PDZRN3: variants seen among roughly 807,000 people sequenced by gnomAD.
PDZRN3 encodes E3 ubiquitin-protein ligase PDZRN3.
In PDZRN3, 38 loss-of-function variants were observed where a neutral mutation model predicts 85.7. The ratio of observed to expected loss-of-function variants is 0.44; its 90% CI spans 0.34 to 0.58. The LOEUF (loss-of-function observed/expected upper bound fraction) is 0.58, where lower values mean the gene tolerates loss of function less well. Among genes scored for constraint, PDZRN3 ranks in the 20% least tolerant of loss-of-function variants. The pLI is 0.01. For missense variants in PDZRN3, 1,629 were observed against 1,506.4 expected (o/e 1.08, Z -1.35); for synonymous variants, 759 against 638.0 (o/e 1.19, Z -2.86).
intron 3 of PDZRN3, among the ~76,000 whole-genome samples, chr3:73,502,780 G>A (rs1213209993): frequency 6.6e-6 from 1 of 152,178 alleles, no homozygotes; most frequent in Non-Finnish European, 1.5e-5. Flanking sequence ...CAGCTGTGTG[G>A]CATCTTACAG....
At position 73,489,575 on chromosome 3, in the gene PDZRN3, C is replaced by CTTTTTTT. The variant is rs371602592; in HGVS notation, c.919-85187_919-85181dup. On this transcript the variant is annotated intron_variant, in intron 3 of 9. Coordinates refer to ENST00000263666, the MANE Select transcript of PDZRN3 (RefSeq NM_015009.3). ...GCCATGCATATGGGCAGTTTCTTTT[C>CTTTTTTT]TTTTTTTTTTTTTTTGAGATGGAGT... Among the ~76,000 whole-genome samples, 9 of 80,096 alleles carry CTTTTTTT rather than the reference C, an allele frequency of 1.1e-4. 1 individual carries two copies. The highest frequency in any genetic ancestry group is 1.6e-4 in the Non-Finnish European group (7 of 44,382). 52.5% of individuals were successfully genotyped at this position (80,096 alleles called of 152,430 possible).
intron 3 of PDZRN3, among the ~76,000 whole-genome samples, chr3:73,501,747 G>A (rs2106686707): frequency 6.6e-6 from 1 of 152,296 alleles, no homozygotes; most frequent in Admixed American, 6.5e-5. Flanking sequence ...AGGTGTGGTG[G>A]CTCATACCTG....
chr3:73,617,398 G>A (rs1162285214), intron 1 of PDZRN3, among the ~76,000 whole-genome samples: 2 of 152,260 alleles, frequency 1.3e-5, no homozygotes, highest in East Asian at 3.9e-4. Flanking sequence ...GTCAAGGGGA[G>A]ACAGAGGCTA....
intron 3 of PDZRN3, among the ~76,000 whole-genome samples, chr3:73,573,481 A>T (rs966692416): frequency 5.3e-5 from 8 of 152,208 alleles, no homozygotes; most frequent in Non-Finnish European, 8.8e-5. Context: ...TTTATTAAAT[A>T]AAGTTTTATT....
chr3:73,384,191 T>G lies in PDZRN3; in HGVS notation c.2375A>C (p.Glu792Ala), dbSNP rs1181369672. Residue 792 changes from glutamate to alanine, a missense_variant, in exon 10 of 10, where the codon GAA (glutamate) becomes GCA (alanine). By Grantham distance (107) the Glu-to-Ala change is moderately radical. Transcript: ENST00000263666. ...AAEGISCPSSEGAVGTTEAYG... is the reference protein window; with the variant it reads ...AAEGISCPSSAGAVGTTEAYG... ...GGCTTCCGTGGTCCCCACAGCCCCT[T>G]CGCTGCTCGGGCAGCTGATGCCCTC... 2 of 1,613,902 alleles carry G rather than the reference T, an allele frequency of 1.2e-6. No homozygotes were observed. The highest frequency in any genetic ancestry group is 2.7e-5 in the African/African-American group (2 of 74,930).
chr3:73,620,734 G>A (rs13321857), intron 1 of PDZRN3, among the ~76,000 whole-genome samples: 1,607 of 152,130 alleles, frequency 0.011, 21 homozygotes, highest in African/African-American at 0.037. Flanking sequence ...CCGCCACCGC[G>A]CCCAGCTAAT....
intron 3 of PDZRN3, among the ~76,000 whole-genome samples, chr3:73,543,398 CCT>C (rs1701331502): frequency 6.6e-6 from 1 of 152,174 alleles, no homozygotes; most frequent in Non-Finnish European, 1.5e-5. Flanking sequence ...GAGGGGGTTC[CCT>C]CTTCTACAAA....
At chr3:73,608,713 T>C (rs776516200) in intron 1 of PDZRN3, 29 bp from the exon 2 acceptor site, 1 of 1,399,950 alleles carries the variant, frequency 7.1e-7, no homozygotes, top group Non-Finnish European at 1.0e-6. Context: ...ATCAAACTTT[T>C]ATTTACCAAC....
At position 73,624,606 on chromosome 3, in the gene PDZRN3, G is replaced by A. The variant is rs774366584; in HGVS notation, c.220C>T (p.Leu74Phe). The A allele has an allele frequency of 1.3e-6, 2 of 1,560,638 alleles. No homozygotes were observed. The highest frequency in any genetic ancestry group is 1.7e-6 in the Non-Finnish European group (2 of 1,157,020). Residue 74 changes from leucine to phenylalanine, a missense_variant, in exon 1 of 10, where the codon CTT (leucine) becomes TTT (phenylalanine). Leu to Phe is a conservative substitution (Grantham distance 22). Coordinates refer to ENST00000263666, the MANE Select transcript of PDZRN3 (RefSeq NM_015009.3). ...ELNHVLPLKR[L>F]ILKLDIKCAY... The stretch of plus-strand genomic sequence containing the variant: ...CACTTGATGTCCAGCTTGAGGATAA[G>A]GCGCTTGAGCGGCAGGACGTGGTTG...
At chr3:73,416,793 G>A (rs1036773169) in intron 3 of PDZRN3, among the ~76,000 whole-genome samples, 3 of 146,626 alleles carry the variant, frequency 2.0e-5, no homozygotes, top group East Asian at 4.0e-4. Context: ...ACTGTCCCAC[G>A]TTGTTTTTAG....
At chr3:73,470,355 A>G (rs988265122) in intron 3 of PDZRN3, among the ~76,000 whole-genome samples, 2 of 152,238 alleles carry the variant, frequency 1.3e-5, no homozygotes, top group Non-Finnish European at 2.9e-5. Flanking sequence ...CTGAGACTAT[A>G]TAAAGGATGG....
chr3:73,606,222 CTTAATTTAT>C (rs1470018325), intron 2 of PDZRN3, among the ~76,000 whole-genome samples: 5 of 152,180 alleles, frequency 3.3e-5, no homozygotes, highest in Non-Finnish European at 7.4e-5. Flanking sequence ...TGAAGTGAAT[CTTAATTTAT>C]TAAAGTTGTT....
At chr3:73,455,807 C>T (rs61536274) in intron 3 of PDZRN3, among the ~76,000 whole-genome samples, 4,769 of 152,300 alleles carry the variant, frequency 0.031, 236 homozygotes, top group African/African-American at 0.11. Flanking sequence ...ACACTTTCTT[C>T]GCTAGGCCAA....
At chr3:73,428,112 A>G (rs1702354453) in intron 3 of PDZRN3, among the ~76,000 whole-genome samples, 1 of 152,174 alleles carries the variant, frequency 6.6e-6, no homozygotes, top group Non-Finnish European at 1.5e-5. Flanking sequence ...GCAGATGAGC[A>G]GGGCAGGAGG....
chr3:73,482,984 A>G (rs1676453970), intron 3 of PDZRN3, among the ~76,000 whole-genome samples: 1 of 152,190 alleles, frequency 6.6e-6, no homozygotes, highest in South Asian at 2.1e-4. Context: ...TACTTATTTT[A>G]CCGTAAATTA....
intron 1 of PDZRN3, among the ~76,000 whole-genome samples, chr3:73,611,272 T>C (rs1702681260): frequency 6.6e-6 from 1 of 152,220 alleles, no homozygotes; most frequent in East Asian, 1.9e-4. Context: ...TACTGAACTA[T>C]TTATCTCCAA....
At chr3:73,566,065 G>A (rs1032100618) in intron 3 of PDZRN3, among the ~76,000 whole-genome samples, 8 of 152,144 alleles carry the variant, frequency 5.3e-5, no homozygotes, top group Non-Finnish European at 8.8e-5. Context: ...TAGGAAAAAA[G>A]GCAAGGGAGT....
chr3:73,419,820 A>G (rs1489502269), intron 3 of PDZRN3, among the ~76,000 whole-genome samples: 1 of 152,200 alleles, frequency 6.6e-6, no homozygotes, highest in African/African-American at 2.4e-5. Context: ...AACATAGGCT[A>G]TCTTTTGTTG....
chr3:73,581,681 A>C (rs894962151), intron 3 of PDZRN3, among the ~76,000 whole-genome samples: 3 of 152,198 alleles, frequency 2.0e-5, no homozygotes, highest in Non-Finnish European at 4.4e-5. Context: ...ATGCAACATC[A>C]TGCATTTATT....
Sources: gnomAD v4.1 joint callset for allele counts (sites outside exome capture counted in the v4.1 genomes callset) on GRCh38, gnomAD v4.1.1 for gene constraint, MANE v1.5 for transcripts, NCBI Gene and HGNC (gene_info 2026-07-23, HGNC 2026-07-21) for gene names.